The following CCDC171 variants were observed in gnomAD, a reference collection of about 807,000 sequenced individuals.
CCDC171 encodes coiled-coil domain-containing protein 171.
CCDC171 carries 177 observed loss-of-function variants against 168.2 expected under a neutral mutation model. That is an observed-to-expected ratio of 1.05 (90% CI 0.93 to 1.19). The LOEUF (loss-of-function observed/expected upper bound fraction) is 1.19, where lower values mean the gene tolerates loss of function less well. Among genes scored for constraint, CCDC171 ranks in the 50% most tolerant of loss-of-function variants. The probability of loss-of-function intolerance (pLI) is 0.00; values close to 1 mark genes in which losing one functional copy is unlikely to be tolerated. For synonymous variants in CCDC171, 687 were observed against 540.8 expected (o/e 1.27, Z -3.75); for missense variants, 1,991 against 1,539.0 (o/e 1.29, Z -4.91).
At chr9:15,601,048 C>T (rs1391725791) in intron 6 of CCDC171, among the ~76,000 whole-genome samples, 2 of 152,156 alleles carry the variant, frequency 1.3e-5, no homozygotes, top group Admixed American at 6.5e-5. Flanking sequence ...CTTTCCTTGG[C>T]TAGGAAAGGG....
chr9:15,621,240 T>A (rs2044479632), intron 6 of CCDC171, among the ~76,000 whole-genome samples: 1 of 152,224 alleles, frequency 6.6e-6, no homozygotes, highest in African/African-American at 2.4e-5. Flanking sequence ...GTACTGGGAT[T>A]ACAGGCGTGA....
chr9:15,872,245 A>G (rs2062071454), intron 23 of CCDC171, among the ~76,000 whole-genome samples: 1 of 152,086 alleles, frequency 6.6e-6, no homozygotes, highest in Non-Finnish European at 1.5e-5. Flanking sequence ...TATTCAATAT[A>G]AAGAATTATT....
chr9:16,069,723 C>T, the CCDC171 span, among the ~76,000 whole-genome samples: 1 of 152,212 alleles, frequency 6.6e-6, no homozygotes, highest in Non-Finnish European at 1.5e-5. Flanking sequence ...ACACTATTCC[C>T]AGCCTTTCCT....
chr9:16,056,243 G>A (rs1191363647), intron 1 of CCDC171, among the ~76,000 whole-genome samples: 2 of 152,140 alleles, frequency 1.3e-5, no homozygotes, highest in African/African-American at 4.8e-5. Context: ...AGTATATTCT[G>A]TATTGTTTTA....
At chr9:15,687,166 G>T (rs2050453552) in intron 10 of CCDC171, among the ~76,000 whole-genome samples, 1 of 152,148 alleles carries the variant, frequency 6.6e-6, no homozygotes, top group Non-Finnish European at 1.5e-5. Flanking sequence ...TAACCAGCAA[G>T]TCTAAAAGAA....
chr9:15,997,107 T>C lies in CCDC171; in HGVS notation n.369-23482T>C, dbSNP rs58544981. ...AAAGATAAAGGGGAAGAAAGGAGGA[T>C]TGGGGAGGAAAAGCCTTCAGACCAT... On this transcript the variant is annotated intron_variant and non_coding_transcript_variant, in intron 3 of 9. Coordinates refer to the CCDC171 transcript ENST00000486641. Among the ~76,000 whole-genome samples, 208 of 152,166 alleles carry C rather than the reference T, an allele frequency of 1.4e-3. 1 individual carries two copies. The highest frequency in any genetic ancestry group is 4.8e-3 in the African/African-American group (201 of 41,532).
chr9:15,744,898 A>ATGGAGACTATGTTATATTATTT, intron 17 of CCDC171, 121 bp downstream of exon 17: 1 of 887,976 alleles, frequency 1.1e-6, no homozygotes, highest in Non-Finnish European at 1.7e-6. Flanking sequence ...AATATAACAT[A>ATGGAGACTATGTTATATTATTT]GTCTCCATAT....
intron 6 of CCDC171, among the ~76,000 whole-genome samples, chr9:15,596,806 C>A (rs2042403544): frequency 6.6e-6 from 1 of 151,698 alleles, no homozygotes; most frequent in Admixed American, 6.6e-5. Flanking sequence ...TTGTTTGTAT[C>A]CTCTTTTATT....
At position 15,744,564 on chromosome 9, in the gene CCDC171, G is replaced by T; in HGVS notation, c.2341G>T (p.Glu781Ter). 1 of 1,614,180 alleles carries T rather than the reference G, an allele frequency of 6.2e-7. No homozygotes were observed. Among genetic ancestry groups the T allele is most frequent in the Non-Finnish European group, 8.5e-7 (1 of 1,180,018 alleles). The change falls in exon 17 of 26, where the codon GAA becomes TAA. Residue 781 changes from glutamate (E) to a stop codon, truncating the protein, a stop_gained. Coordinates refer to ENST00000380701, the MANE Select transcript of CCDC171 (RefSeq NM_173550.4). LOFTEE classifies it high-confidence loss of function. ...TLAQALSTVE[E>*]KKQEEAKMKK... The stretch of plus-strand genomic sequence containing the variant: ...AGCCCAGGCTTTGTCAACTGTAGAG[G>T]AAAAGAAGCAAGAGGAAGCCAAGAT...
At chr9:15,583,994 G>C (rs1465549079) in intron 4 of CCDC171, among the ~76,000 whole-genome samples, 2 of 152,078 alleles carry the variant, frequency 1.3e-5, no homozygotes, top group Non-Finnish European at 2.9e-5. Context: ...AGCCTCCCGA[G>C]TGGCTGGGAT....
In CCDC171 at chr9:15,623,473, G is replaced by GCACA. The variant is rs1310330705; in HGVS notation, c.822+61_822+62insACAC. ...TACAAACTTTCACATATGCGCGCGC[G>GCACA]CGCACACACACACACACACACACAC... On this transcript the variant is annotated intron_variant, in intron 7 of 25. Coordinates refer to ENST00000380701, the MANE Select transcript of CCDC171 (RefSeq NM_173550.4). 8.6e-4 allele frequency: 401 copies of GCACA among 464,440 alleles called. No homozygotes were observed. In the African/African-American group the frequency reaches 0.012, roughly 14 times the overall value. 28.8% of individuals were successfully genotyped at this position (464,440 alleles called of 1,614,324 possible). A position where few individuals can be genotyped will look rare whatever the true frequency, so the allele number is the denominator to read the frequency against.
intron 16 of CCDC171, among the ~76,000 whole-genome samples, chr9:15,740,783 T>C (rs1588229460): frequency 6.6e-6 from 1 of 152,122 alleles, no homozygotes; most frequent in African/African-American, 2.4e-5. Flanking sequence ...GGTGGGGCTG[T>C]TCCCCTCTCA....
intron 21 of CCDC171, among the ~76,000 whole-genome samples, chr9:15,793,823 T>G (rs1028724437): frequency 3.9e-5 from 6 of 151,962 alleles, no homozygotes; most frequent in African/African-American, 1.4e-4. Flanking sequence ...CTGGGATTAT[T>G]GATGTGACAG....
intron 24 of CCDC171, among the ~76,000 whole-genome samples, chr9:15,910,933 A>G (rs1823536671): frequency 6.6e-6 from 1 of 151,998 alleles, no homozygotes; most frequent in South Asian, 2.1e-4. Context: ...CATTTTCTTT[A>G]TCCAGTCTTC....
intron 3 of CCDC171, among the ~76,000 whole-genome samples, chr9:16,002,438 GA>G (rs1409078519): frequency 2.6e-5 from 4 of 151,794 alleles, no homozygotes; most frequent in Admixed American, 6.6e-5. Flanking sequence ...TTTAAAAATA[GA>G]AAAAAACTTA....
At chr9:15,787,973 C>G (rs548498839) in intron 21 of CCDC171, among the ~76,000 whole-genome samples, 1 of 152,098 alleles carries the variant, frequency 6.6e-6, no homozygotes, top group African/African-American at 2.4e-5. Context: ...ATTTTGAAGT[C>G]TTTTTCTCTG....
chr9:15,830,880 T>G (rs540698422), intron 21 of CCDC171, among the ~76,000 whole-genome samples: 4 of 152,236 alleles, frequency 2.6e-5, no homozygotes, highest in African/African-American at 9.6e-5. Context: ...CCTGTAAAGT[T>G]GAATAATTCA....
intron 21 of CCDC171, among the ~76,000 whole-genome samples, chr9:15,785,825 G>A (rs2057921447): frequency 6.6e-6 from 1 of 151,772 alleles, no homozygotes; most frequent in African/African-American, 2.4e-5. Flanking sequence ...CTGTGTTACT[G>A]TCTCTACATG....
At chr9:15,645,429 C>T (rs1346073320) in intron 7 of CCDC171, among the ~76,000 whole-genome samples, 3 of 152,110 alleles carry the variant, frequency 2.0e-5, no homozygotes, top group South Asian at 2.1e-4. Flanking sequence ...TTTAGATGAT[C>T]GGTAATAACA....
Sources: allele counts gnomAD v4.1 joint callset (sites outside exome capture counted in the v4.1 genomes callset), GRCh38; gene constraint gnomAD v4.1.1; transcripts MANE v1.5; gene names NCBI Gene and HGNC (gene_info 2026-07-23, HGNC 2026-07-21).